FILIP1: variants seen among roughly 807,000 people sequenced by gnomAD.
The protein encoded by FILIP1 is filamin-A-interacting protein 1.
FILIP1 carries 61 observed loss-of-function variants against 102.1 expected under a neutral mutation model. That is an observed-to-expected ratio of 0.60 (90% CI 0.49 to 0.74). The LOEUF is 0.74. Among genes scored for constraint, FILIP1 ranks in the 30% least tolerant of loss-of-function variants. The pLI is 0.00. For synonymous variants in FILIP1, 491 were observed against 526.9 expected (o/e 0.93, Z 0.93); for missense variants, 1,314 against 1,441.2 (o/e 0.91, Z 1.43).
chr6:75,370,870 C>G (rs888568522), intron 2 of FILIP1, among the ~76,000 whole-genome samples: 4 of 152,052 alleles, frequency 2.6e-5, no homozygotes, highest in African/African-American at 9.7e-5. Flanking sequence ...AGCTACTGTG[C>G]CCAGCCCACT....
At chr6:75,340,846 C>T (rs986699237) in intron 4 of FILIP1, among the ~76,000 whole-genome samples, 14 of 150,150 alleles carry the variant, frequency 9.3e-5, no homozygotes, top group African/African-American at 3.2e-4. Context: ...TAGGCGCACA[C>T]CACAATGCTC....
At chr6:75,406,877 C>T (rs1165083002) in intron 2 of FILIP1, among the ~76,000 whole-genome samples, 1 of 152,048 alleles carries the variant, frequency 6.6e-6, no homozygotes, top group Non-Finnish European at 1.5e-5. Context: ...TCAGGCTGGT[C>T]CCGAACTCCT....
chr6:75,486,030 G>T (rs1331135013), intron 1 of FILIP1, among the ~76,000 whole-genome samples: 1 of 149,870 alleles, frequency 6.7e-6, no homozygotes, highest in African/African-American at 2.5e-5. Flanking sequence ...CTCCACCAAA[G>T]GTTTCTTGAA....
At chr6:75,319,508 A>G (rs1269170219) in intron 4 of FILIP1, 11 of 583,672 alleles carry the variant, frequency 1.9e-5, no homozygotes, top group Non-Finnish European at 3.7e-5. Context: ...TTCAGCAGAC[A>G]TGGTCTTCTA....
chr6:75,393,349 G>GA (rs1776347306), intron 2 of FILIP1, among the ~76,000 whole-genome samples: 1 of 151,908 alleles, frequency 6.6e-6, no homozygotes, highest in South Asian at 2.1e-4. Flanking sequence ...CATAAATAAT[G>GA]AAAAAATATC....
chr6:75,389,126 A>T (rs1033261366), intron 2 of FILIP1, among the ~76,000 whole-genome samples: 5 of 152,150 alleles, frequency 3.3e-5, no homozygotes, highest in African/African-American at 1.2e-4. Flanking sequence ...CTATTGAGTT[A>T]ATCATGTGGT....
chr6:75,372,644 A>AGAAG (rs1775568113), intron 2 of FILIP1, among the ~76,000 whole-genome samples: 2 of 66,024 alleles, frequency 3.0e-5, no homozygotes. Flanking sequence ...AAAGAAAGAA[A>AGAAG]GAAAGAAAGA....
intron 2 of FILIP1, among the ~76,000 whole-genome samples, chr6:75,383,837 A>G (rs1170421100): frequency 6.6e-6 from 1 of 152,218 alleles, no homozygotes; most frequent in African/African-American, 2.4e-5. Context: ...GCTCAGTCAC[A>G]TTAACTAATA....
chr6:75,443,772 GTGTTA>G (rs1181185373), intron 1 of FILIP1, among the ~76,000 whole-genome samples: 2 of 152,154 alleles, frequency 1.3e-5, no homozygotes, highest in Non-Finnish European at 1.5e-5. Context: ...TGGACTCCTG[GTGTTA>G]TGTTATCTGC....
At position 75,314,346 on chromosome 6, in the gene FILIP1, C is replaced by T; in HGVS notation, c.1486G>A (p.Asp496Asn). 6.6e-7 allele frequency: 1 copy of T among 1,519,650 alleles called. No individual in the cohort carries two copies. Among genetic ancestry groups the T allele is most frequent in the South Asian group, 1.4e-5 (1 of 73,108 alleles). The allele number at this position is 1,519,650 out of a possible 1,614,324, so 94.1% of individuals were successfully genotyped here. ...AATGACTTCAACTTGGTAAGATCAT[C>T]TTTTAGGCTTAATTCAGCCTTTTCC... ...RLEKAELSLK[D>N]DLTKLKSFTV... The change falls in exon 5 of 6, where the codon GAT (aspartate) becomes AAT (asparagine). Residue 496 changes from aspartate (D) to asparagine (N), a missense_variant. Physicochemically the swap from Asp to Asn is conservative, Grantham distance 23. Transcript: ENST00000237172.
intron 1 of FILIP1, among the ~76,000 whole-genome samples, chr6:75,441,738 G>T: frequency 6.7e-6 from 1 of 149,060 alleles, no homozygotes; most frequent in South Asian, 2.1e-4. Flanking sequence ...CCCGGACGGG[G>T]CGGCTGGCCG....
At chr6:75,397,073 A>C (rs1405849255) in intron 2 of FILIP1, among the ~76,000 whole-genome samples, 1 of 151,968 alleles carries the variant, frequency 6.6e-6, no homozygotes, top group African/African-American at 2.4e-5. Flanking sequence ...TTAACTGACT[A>C]GTTGATGGGT....
intron 1 of FILIP1, among the ~76,000 whole-genome samples, chr6:75,417,618 T>C (rs1777312595): frequency 6.6e-6 from 1 of 152,186 alleles, no homozygotes; most frequent in Admixed American, 6.5e-5. Context: ...TGTTACACAG[T>C]ATAGGAAGCA....
At chr6:75,467,738 G>A (rs937940928) in intron 1 of FILIP1, among the ~76,000 whole-genome samples, 4 of 152,158 alleles carry the variant, frequency 2.6e-5, no homozygotes, top group African/African-American at 9.7e-5. Context: ...TATAAACTTT[G>A]AGAAGACATT....
At position 75,313,194 on chromosome 6, in the gene FILIP1, G is replaced by A. The variant is rs765750626; in HGVS notation, c.2638C>T (p.Pro880Ser). The change falls in exon 5 of 6, where the codon CCC becomes TCC. Residue 880 changes from proline (P) to serine (S), a missense_variant. Physicochemically the swap from Pro to Ser is moderately conservative, Grantham distance 74. This residue lies in a region of FILIP1 where 816 missense variants were observed against 913.1 expected (regional missense o/e 0.89). Coordinates refer to ENST00000237172, the MANE Select transcript of FILIP1 (RefSeq NM_015687.5). This position sits in a 1 kb window ranked among gnomAD's most constrained non-coding sequence, Gnocchi z 4.2. ...GGCCCTTTCTCCTGAGTGATGGAGG[G>A]GCCGTTTTCCCTCTTTCTCATCCAT... Reference protein sequence around the residue: ...IPWMRKRENGPSITQEKGPRT... With the variant: ...IPWMRKRENGSSITQEKGPRT... 1 of 1,614,058 alleles carries A rather than the reference G, an allele frequency of 6.2e-7. No individual in the cohort carries two copies. The highest frequency in any genetic ancestry group is 1.1e-5 in the South Asian group (1 of 91,068).
chr6:75,403,157 T>G (rs1776712344), intron 2 of FILIP1, among the ~76,000 whole-genome samples: 1 of 152,038 alleles, frequency 6.6e-6, no homozygotes, highest in Non-Finnish European at 1.5e-5. Context: ...AAGATAAGCA[T>G]TGGGGAGCAA....
At chr6:75,414,500 A>G (rs1777184751) in intron 2 of FILIP1, among the ~76,000 whole-genome samples, 197 bp downstream of exon 2, 1 of 152,168 alleles carries the variant, frequency 6.6e-6, no homozygotes, top group Non-Finnish European at 1.5e-5. Flanking sequence ...TGGAATCAGC[A>G]CTTTTTCATT....
chr6:75,302,607 T>C (rs116558709), intron 6 of FILIP1, among the ~76,000 whole-genome samples: 210 of 152,174 alleles, frequency 1.4e-3, no homozygotes, highest in African/African-American at 3.9e-3. Context: ...AAGGAACAAA[T>C]TGAGCAAGTC....
chr6:75,485,992 CACACAT>C (rs1339708005), intron 1 of FILIP1, among the ~76,000 whole-genome samples: 244 of 138,456 alleles, frequency 1.8e-3, no homozygotes, highest in African/African-American at 4.5e-3. Context: ...CACACACACA[CACACAT>C]ACACACACAC....
Sources: gnomAD v4.1 joint callset for allele counts (sites outside exome capture counted in the v4.1 genomes callset) on GRCh38, gnomAD v4.1.1 for gene constraint, gnomAD v4.1.1 regional missense constraint, Gnocchi (gnomAD v3.1) non-coding constraint, MANE v1.5 for transcripts, NCBI Gene and HGNC (gene_info 2026-07-23, HGNC 2026-07-21) for gene names.